The following COL4A4 variants were observed in gnomAD, a reference collection of about 807,000 sequenced individuals.
COL4A4 encodes the protein collagen alpha-4(IV) chain.
A neutral mutation model predicts 192.9 loss-of-function variants in COL4A4; 105 were observed. The observed-to-expected ratio is 0.54, with a 90% CI of 0.46 to 0.64. COL4A4 has a LOEUF of 0.64. Ranked by LOEUF, COL4A4 falls within the 30% of genes least tolerant of loss-of-function variation. COL4A4 has a pLI of 0.00. For synonymous variants in COL4A4, 762 were observed against 769.9 expected (o/e 0.99, Z 0.17); for missense variants, 1,967 against 2,169.3 (o/e 0.91, Z 1.85).
chr2:227,117,178 G>T (rs2061533038), intron 7 of COL4A4, among the ~76,000 whole-genome samples: 1 of 152,172 alleles, frequency 6.6e-6, no homozygotes, highest in Admixed American at 6.5e-5. Context: ...AGGGGTGTCT[G>T]TATAGTAAAT....
chr2:227,084,667 C>CT (rs1233728390), intron 22 of COL4A4, among the ~76,000 whole-genome samples: 1 of 152,246 alleles, frequency 6.6e-6, no homozygotes, highest in Non-Finnish European at 1.5e-5. Context: ...AGGCATTACT[C>CT]TGAGTACTGA....
At chr2:226,984,493 T>G in the COL4A4 span, among the ~76,000 whole-genome samples, 13 of 152,270 alleles carry the variant, frequency 8.5e-5, no homozygotes, top group South Asian at 2.5e-3. Context: ...GTAAACCTAA[T>G]TACCTCCCAA....
chr2:227,045,328 G>A (rs1377878974), intron 35 of COL4A4, among the ~76,000 whole-genome samples: 1 of 152,174 alleles, frequency 6.6e-6, no homozygotes, highest in East Asian at 1.9e-4. Context: ...CACAGGTGAA[G>A]TAATAATGGA....
At chr2:227,016,073 C>A (rs1187755004) in intron 44 of COL4A4, among the ~76,000 whole-genome samples, 1 of 152,070 alleles carries the variant, frequency 6.6e-6, no homozygotes, top group Non-Finnish European at 1.5e-5. Context: ...CGCCCCACCC[C>A]ACCCCTCACC....
intron 35 of COL4A4, among the ~76,000 whole-genome samples, chr2:227,046,817 A>G (rs1472279123): frequency 1.3e-5 from 2 of 151,954 alleles, no homozygotes; most frequent in South Asian, 4.1e-4. Flanking sequence ...GGGTCATCTA[A>G]TGTAGCCAGT....
chr2:227,154,380 G>A (rs936851894), intron 1 of COL4A4, among the ~76,000 whole-genome samples: 5 of 152,102 alleles, frequency 3.3e-5, no homozygotes, highest in African/African-American at 7.2e-5. Context: ...CACCCTGCTG[G>A]GGTTCTCATC....
chr2:227,102,856 A>C lies in COL4A4; in HGVS notation c.871-8T>G. ...CCCAATACCAGATTCTCCCTTTAAG[A>C]GATGACAACATTTAGAGGGGTTCAA... On this transcript the variant is annotated splice_polypyrimidine_tract_variant and splice_region_variant and intron_variant, in intron 14 of 47. Coordinates refer to ENST00000396625, the MANE Select transcript of COL4A4 (RefSeq NM_000092.5). 1 of 1,610,126 alleles carries C rather than the reference A, an allele frequency of 6.2e-7. No homozygotes were observed. Among genetic ancestry groups the C allele is most frequent in the Non-Finnish European group, 8.5e-7 (1 of 1,176,678 alleles).
the COL4A4 span, among the ~76,000 whole-genome samples, chr2:226,989,462 T>A: frequency 1.3e-5 from 2 of 152,208 alleles, no homozygotes; most frequent in Non-Finnish European, 2.9e-5. Context: ...TATCCTCATA[T>A]CTTGATCTGG....
At chr2:227,159,004 T>A (rs1462691377) in intron 1 of COL4A4, among the ~76,000 whole-genome samples, 3 of 152,178 alleles carry the variant, frequency 2.0e-5, no homozygotes, top group Non-Finnish European at 4.4e-5. Flanking sequence ...AAAAGACTTG[T>A]AGAAAAATAT....
rs1466510291 is a variant in COL4A4, at chr2:227,030,472, G to A, written c.3944C>T (p.Pro1315Leu). The A allele has an allele frequency of 1.2e-6, 2 of 1,614,006 alleles. No individual in the cohort carries two copies. The highest frequency in any genetic ancestry group is 1.7e-6 in the Non-Finnish European group (2 of 1,180,040). The change falls in exon 41 of 48, where the codon CCA (proline) becomes CTA (leucine). Residue 1315 changes from proline (P) to leucine (L), a missense_variant. Physicochemically the swap from Pro to Leu is moderately conservative, Grantham distance 98. Transcript: ENST00000396625. ...CTGGCCATCTTTTCCATCACATCCT[G>A]GAAAGCCTTTGTATCCTGGAGGGCC... ...PPGPPGYKGF[P>L]GCDGKDGQKG...
At chr2:227,055,026 G>A (rs1354354117) in intron 30 of COL4A4, among the ~76,000 whole-genome samples, 1 of 152,138 alleles carries the variant, frequency 6.6e-6, no homozygotes, top group African/African-American at 2.4e-5. Context: ...CTAGCCTCAA[G>A]TGATCCACCC....
rs200645919 is a variant in COL4A4, at chr2:227,022,099, C to T, written c.4165G>A (p.Gly1389Arg). The change falls in exon 44 of 48, where the codon GGA becomes AGA. Residue 1389 changes from glycine to arginine, a missense_variant. Gly to Arg is a moderately radical substitution (Grantham distance 125, BLOSUM62 -2). Transcript: ENST00000396625. The stretch of plus-strand genomic sequence containing the variant: ...GGGAGCCCCATGGCTCCTTCTGGTC[C>T]TCTCATGCCTGGCGCCCCAGGAAGG... ...PGLPGAPGMR[G>R]PEGAMGLPGM... 1 of 1,614,134 alleles carries T rather than the reference C, an allele frequency of 6.2e-7. No homozygotes were observed. The highest frequency in any genetic ancestry group is 8.5e-7 in the Non-Finnish European group (1 of 1,180,010).
chr2:227,084,049 G>C (rs1037622093), intron 22 of COL4A4, among the ~76,000 whole-genome samples: 1 of 152,182 alleles, frequency 6.6e-6, no homozygotes, highest in African/African-American at 2.4e-5. Flanking sequence ...CCTGTTTGTA[G>C]CAATGTCTGT....
intron 28 of COL4A4, among the ~76,000 whole-genome samples, chr2:227,058,233 G>A (rs1975978832): frequency 6.6e-6 from 1 of 152,138 alleles, no homozygotes; most frequent in Non-Finnish European, 1.5e-5. Flanking sequence ...AATTGCTAAT[G>A]GCTGGATGGT....
At chr2:227,103,854 G>C (rs1369864394) in intron 13 of COL4A4, 118 bp downstream of exon 13, 1 of 770,122 alleles carries the variant, frequency 1.3e-6, no homozygotes, top group Non-Finnish European at 2.2e-6. Context: ...TATTAAAGTA[G>C]GTTTGAAACT....
Position 227,102,845 on chromosome 2 carries a change from C to G in COL4A4, c.874G>C (p.Glu292Gln). 6.2e-7 allele frequency: 1 copy of G among 1,612,624 alleles called. No individual in the cohort carries two copies. The highest frequency in any genetic ancestry group is 8.5e-7 in the Non-Finnish European group (1 of 1,179,078). The change falls in exon 15 of 48, where the codon GAA becomes CAA. Residue 292 changes from glutamate to glutamine, a missense_variant. Physicochemically the swap from Glu to Gln is conservative, Grantham distance 29 (BLOSUM62 2). Transcript: ENST00000396625. ...TCTCCTTTTGCCCCAATACCAGATT[C>G]TCCCTTTAAGAGATGACAACATTTA... ...GLPGPPGRKGESGIGAKGEKG... is the reference protein window; with the variant it reads ...GLPGPPGRKGQSGIGAKGEKG...
intron 20 of COL4A4, among the ~76,000 whole-genome samples, chr2:227,091,249 GATATAGAT>G (rs1414003642): frequency 9.6e-6 from 1 of 104,004 alleles, no homozygotes. Flanking sequence ...TTGAAAAACA[GATATAGAT>G]ATAGATATAG....
chr2:227,102,915 T>A, intron 14 of COL4A4, 67 bp from the exon 15 acceptor site: 6 of 428,144 alleles, frequency 1.4e-5, no homozygotes, highest in Non-Finnish European at 1.9e-5. Context: ...AAAGCAATAT[T>A]TCAGCAATAG....
At chr2:227,012,499 C>T (rs989494223) in intron 44 of COL4A4, among the ~76,000 whole-genome samples, 1 of 151,842 alleles carries the variant, frequency 6.6e-6, no homozygotes, top group Non-Finnish European at 1.5e-5. Flanking sequence ...ACTGGGGCCC[C>T]GAGAGGTCAA....
Sources: gnomAD v4.1 joint callset for allele counts (sites outside exome capture counted in the v4.1 genomes callset) on GRCh38, gnomAD v4.1.1 for gene constraint, MANE v1.5 for transcripts, NCBI Gene and HGNC (gene_info 2026-07-23, HGNC 2026-07-21) for gene names.